Variants in DAPL1 observed in about 807,000 individuals in gnomAD.
DAPL1 encodes death-associated protein-like 1.
DAPL1 carries 17 observed loss-of-function variants against 12.9 expected under a neutral mutation model. The ratio of observed to expected loss-of-function variants is 1.32; its 90% CI spans 0.90 to 1.98. DAPL1 has a LOEUF of 1.98. DAPL1 is among the 30% of genes most tolerant of loss of function. DAPL1 has a pLI of 0.00. For synonymous variants in DAPL1, 51 were observed against 42.0 expected (o/e 1.21, Z -0.82); for missense variants, 157 against 125.7 (o/e 1.25, Z -1.19).
At chr2:158,812,722 G>C (rs2059237480) in intron 3 of DAPL1, among the ~76,000 whole-genome samples, 1 of 150,322 alleles carries the variant, frequency 6.7e-6, no homozygotes, top group African/African-American at 2.5e-5. Flanking sequence ...TTGAGCCCGG[G>C]AGTTCAATGT....
chr2:158,804,805 C>T (rs1422399166), intron 2 of DAPL1, among the ~76,000 whole-genome samples: 1 of 152,194 alleles, frequency 6.6e-6, no homozygotes, highest in Non-Finnish European at 1.5e-5. Context: ...GTTTTAAACC[C>T]ATCACTGAAT....
chr2:158,810,777 A>G (rs2059226080), intron 3 of DAPL1, among the ~76,000 whole-genome samples: 1 of 152,186 alleles, frequency 6.6e-6, no homozygotes, highest in South Asian at 2.1e-4. Flanking sequence ...GCCCAGTGGC[A>G]GAACACAAGA....
intron 1 of DAPL1, among the ~76,000 whole-genome samples, chr2:158,796,127 T>C (rs1040544291): frequency 3.3e-5 from 5 of 152,232 alleles, no homozygotes; most frequent in African/African-American, 1.2e-4. Flanking sequence ...CTTAACCATA[T>C]GTTCATATAG....
intron 1 of DAPL1, 125 bp from the exon 2 acceptor site, chr2:158,804,157 C>A: frequency 1.5e-6 from 1 of 649,476 alleles, no homozygotes; most frequent in Non-Finnish European, 2.6e-6. Context: ...TTGTTTTATA[C>A]AAACGTTTAG....
intron 2 of DAPL1, among the ~76,000 whole-genome samples, chr2:158,805,386 G>A (rs148497342): frequency 3.3e-5 from 5 of 152,270 alleles, no homozygotes; most frequent in East Asian, 1.9e-4. Flanking sequence ...GAAGCTGTGC[G>A]TCCTCAAGAG....
intron 1 of DAPL1, among the ~76,000 whole-genome samples, chr2:158,796,978 C>A (rs2059137746): frequency 6.6e-6 from 1 of 152,208 alleles, no homozygotes; most frequent in African/African-American, 2.4e-5. Context: ...GAAGTGTCAT[C>A]CTTCAGCCTG....
At chr2:158,808,407 C>T (rs905575699) in intron 3 of DAPL1, among the ~76,000 whole-genome samples, 13 of 152,326 alleles carry the variant, frequency 8.5e-5, no homozygotes, top group Admixed American at 7.8e-4. Flanking sequence ...ACAATGAGCT[C>T]ACATACATGA....
intron 3 of DAPL1, among the ~76,000 whole-genome samples, chr2:158,814,864 T>C (rs1201995528): frequency 6.6e-6 from 1 of 152,194 alleles, no homozygotes; most frequent in East Asian, 1.9e-4. Flanking sequence ...TAGGTACTTT[T>C]ACATATTGAT....
chr2:158,815,327 A>G (rs1398510857), intron 3 of DAPL1, among the ~76,000 whole-genome samples: 20 of 152,158 alleles, frequency 1.3e-4, no homozygotes, highest in Admixed American at 1.2e-3. Context: ...ACAATTGAGG[A>G]GTTTTTCGTC....
chr2:158,802,438 C>A (rs755507193), intron 1 of DAPL1, among the ~76,000 whole-genome samples: 3 of 152,188 alleles, frequency 2.0e-5, no homozygotes, highest in Non-Finnish European at 2.9e-5. Flanking sequence ...GCTGAGGAAG[C>A]AGCTTGGTAA....
rs10526986 is a variant in DAPL1 at position 158,809,357 on chromosome 2, CA to C, written c.207+2253del. 1.4e-4 allele frequency among the ~76,000 whole-genome samples: 10 copies of C among 69,522 alleles called. 1 individual carries two copies. Among genetic ancestry groups the C allele is most frequent in the South Asian group, 5.0e-4 (1 of 1,982 alleles). The allele number at this position is 69,522 out of a possible 152,430, so 45.6% of individuals were successfully genotyped here. ...TGGGTGACAGAGCGAGACTCCATCT[CA>C]AAAAAAAAAAGAAATATTTTTAACA... On this transcript the variant is annotated intron_variant, in intron 3 of 3. Transcript: ENST00000309950.
rs1431144728 is a variant in DAPL1, at chr2:158,804,322, T to A, written c.99T>A (p.Ile33=). 3 of 1,611,840 alleles carry A rather than the reference T, an allele frequency of 1.9e-6. No homozygotes were observed. The South Asian group carries it at 3.3e-5, about 18-fold the overall frequency. Residue 33 remains isoleucine (I), a synonymous_variant, in exon 2 of 4, where the codon ATT becomes ATA. Coordinates refer to ENST00000309950, the MANE Select transcript of DAPL1 (RefSeq NM_001017920.3). ...GGMRISKKQE[I]GTLERHTKKT... is the part of the protein sequence containing the mutation. ...TGAGAATTTCCAAAAAACAAGAAATTGGCACCTTGGAAAGACATACCAAAA... is the reference window on the plus strand; with the variant it reads ...TGAGAATTTCCAAAAAACAAGAAATAGGCACCTTGGAAAGACATACCAAAA...
chr2:158,809,357 C>CAAAAA (rs10526986), intron 3 of DAPL1, among the ~76,000 whole-genome samples: 2 of 69,528 alleles, frequency 2.9e-5, no homozygotes, highest in Non-Finnish European at 5.4e-5. Context: ...GACTCCATCT[C>CAAAAA]AAAAAAAAAA....
intron 2 of DAPL1, among the ~76,000 whole-genome samples, chr2:158,806,580 A>G (rs2059202426): frequency 6.6e-6 from 1 of 152,166 alleles, no homozygotes; most frequent in African/African-American, 2.4e-5. Context: ...CACACCTGTA[A>G]TCTCAGTACT....
intron 1 of DAPL1, among the ~76,000 whole-genome samples, chr2:158,795,718 C>T (rs983573285): frequency 6.6e-5 from 10 of 152,264 alleles, no homozygotes; most frequent in Admixed American, 3.3e-4. Context: ...TTTCCTCCCT[C>T]GAGGCAGCAT....
At chr2:158,804,162 G>A (rs970419435) in intron 1 of DAPL1, 120 bp from the exon 2 acceptor site, 8 of 677,260 alleles carry the variant, frequency 1.2e-5, no homozygotes, top group South Asian at 2.3e-5. Context: ...TTATACAAAC[G>A]TTTAGATCTT....
At chr2:158,795,842 C>T (rs2059131673) in intron 1 of DAPL1, among the ~76,000 whole-genome samples, 1 of 152,154 alleles carries the variant, frequency 6.6e-6, no homozygotes, top group Non-Finnish European at 1.5e-5. Context: ...ACTCAGTCTC[C>T]CCAAGATGCC....
In DAPL1 at chr2:158,807,240, G is replaced by C. The variant is rs545354213; in HGVS notation, c.207+125G>C. On this transcript the variant is annotated intron_variant, in intron 3 of 3. Transcript: ENST00000309950. Reference sequence around the variant, plus strand: ...CCAGAGGTTTGAGGTCCTTGTGAAAGAATTTGTTCTCTGTCAGAGGAACAC... The same window carrying C: ...CCAGAGGTTTGAGGTCCTTGTGAAACAATTTGTTCTCTGTCAGAGGAACAC... 5.4e-6 allele frequency: 3 copies of C among 555,040 alleles called. No homozygotes were observed. The African/African-American group carries it at 5.6e-5, about 10-fold the overall frequency. The allele number at this position is 555,040 out of a possible 1,614,324, so 34.4% of individuals were successfully genotyped here.
chr2:158,798,021 T>C (rs952375309), intron 1 of DAPL1, among the ~76,000 whole-genome samples: 24 of 152,252 alleles, frequency 1.6e-4, no homozygotes, highest in African/African-American at 5.3e-4. Flanking sequence ...CACCCTCACT[T>C]TCAGAAGAAC....
Sources: gnomAD v4.1 joint callset for allele counts (sites outside exome capture counted in the v4.1 genomes callset) on GRCh38, gnomAD v4.1.1 for gene constraint, MANE v1.5 for transcripts, NCBI Gene and HGNC (gene_info 2026-07-23, HGNC 2026-07-21) for gene names.